The following CFAP299 variants were observed in gnomAD, a reference collection of about 807,000 sequenced individuals.
CFAP299 encodes the protein cilia and flagella associated protein 299.
Under a neutral mutation model 27.0 loss-of-function variants are expected in CFAP299, and 21 were observed. The observed-to-expected ratio is 0.78, with a 90% CI of 0.55 to 1.12. The LOEUF (loss-of-function observed/expected upper bound fraction) is 1.12. Ranked by LOEUF, CFAP299 falls within the 50% of genes most tolerant of loss-of-function variation. The pLI is 0.00. For synonymous variants in CFAP299, 104 were observed against 98.1 expected (o/e 1.06, Z -0.36); for missense variants, 310 against 276.6 (o/e 1.12, Z -0.86).
intron 3 of CFAP299, among the ~76,000 whole-genome samples, chr4:80,846,448 G>A (rs1731188318): frequency 6.6e-6 from 1 of 152,070 alleles, no homozygotes; most frequent in African/African-American, 2.4e-5. Context: ...AGGTATCCTT[G>A]AATGAGTCCC....
At chr4:80,861,053 G>C (rs1436526438) in intron 3 of CFAP299, among the ~76,000 whole-genome samples, 1 of 152,214 alleles carries the variant, frequency 6.6e-6, no homozygotes, top group East Asian at 1.9e-4. Flanking sequence ...TTGAGCTGTG[G>C]TGGGCTCCAA....
At chr4:80,630,722 G>A (rs1316342512) in intron 3 of CFAP299, among the ~76,000 whole-genome samples, 3 of 151,842 alleles carry the variant, frequency 2.0e-5, no homozygotes, top group Admixed American at 6.6e-5. Flanking sequence ...ACATATTATC[G>A]AGTAATATAT....
At chr4:80,420,826 C>T (rs1300160913) in intron 2 of CFAP299, among the ~76,000 whole-genome samples, 2 of 152,090 alleles carry the variant, frequency 1.3e-5, no homozygotes, top group Non-Finnish European at 2.9e-5. Flanking sequence ...AGCTCCAACC[C>T]CTTTAATAGG....
chr4:80,343,788 G>A (rs534196880), intron 1 of CFAP299, among the ~76,000 whole-genome samples: 8 of 112,486 alleles, frequency 7.1e-5, no homozygotes, highest in South Asian at 3.3e-4. Context: ...GCGACAGAGC[G>A]AGACTCCGTC....
rs542713785 is a variant in CFAP299, at chr4:80,387,712, A to AT, written c.242+24828_242+24829insT. 1.7e-3 allele frequency: 2,654 copies of AT among 1,581,612 alleles called. 4 individuals carry two copies. Among genetic ancestry groups the AT allele is most frequent in the South Asian group, 1.9e-3 (172 of 90,478 alleles). ...GGCATGGCCACATGCAATGCATTGG[A>AT]AGGGCTTCTCACCTGTGTGGCTTCA... On this transcript the variant is annotated intron_variant, in intron 2 of 5. Coordinates refer to ENST00000358105, the MANE Select transcript of CFAP299 (RefSeq NM_152770.3).
chr4:80,792,719 C>T (rs371964143), intron 3 of CFAP299, among the ~76,000 whole-genome samples: 12 of 152,036 alleles, frequency 7.9e-5, no homozygotes, highest in East Asian at 1.9e-4. Flanking sequence ...AGGTTTTCTG[C>T]GTTTATCCCT....
intron 2 of CFAP299, among the ~76,000 whole-genome samples, chr4:80,401,478 A>AG (rs568173770): frequency 6.6e-6 from 1 of 152,196 alleles, no homozygotes; most frequent in Non-Finnish European, 1.5e-5. Context: ...GTGGCTTCAG[A>AG]GGGGGGAAGC....
At chr4:80,842,162 G>A (rs1322523392) in intron 3 of CFAP299, among the ~76,000 whole-genome samples, 1 of 152,106 alleles carries the variant, frequency 6.6e-6, no homozygotes, top group Non-Finnish European at 1.5e-5. Context: ...ACACAGATGA[G>A]AAGAGGCTAC....
intron 3 of CFAP299, among the ~76,000 whole-genome samples, chr4:80,668,093 G>C (rs1741231229): frequency 6.6e-6 from 1 of 151,492 alleles, no homozygotes; most frequent in South Asian, 2.1e-4. Context: ...CTTTTTATCT[G>C]TTGGCCCTCT....
intron 4 of CFAP299, among the ~76,000 whole-genome samples, chr4:80,917,663 C>A (rs2110208607): frequency 1.3e-5 from 2 of 152,216 alleles, no homozygotes; most frequent in East Asian, 3.9e-4. Flanking sequence ...CATTCATTTC[C>A]TTTCCATGGC....
chr4:80,832,402 A>G (rs1177263269), intron 3 of CFAP299, among the ~76,000 whole-genome samples: 1 of 152,178 alleles, frequency 6.6e-6, no homozygotes, highest in Non-Finnish European at 1.5e-5. Flanking sequence ...AAATTTGACT[A>G]AAATGACCTA....
chr4:80,785,118 T>C (rs1399927239), intron 3 of CFAP299, among the ~76,000 whole-genome samples: 1 of 151,320 alleles, frequency 6.6e-6, no homozygotes, highest in East Asian at 1.9e-4. Context: ...CCAAGGTCAA[T>C]GTCAAGGAGC....
intron 4 of CFAP299, among the ~76,000 whole-genome samples, chr4:80,908,959 T>G (rs2110201807): frequency 6.6e-6 from 1 of 152,220 alleles, no homozygotes; most frequent in South Asian, 2.1e-4. Flanking sequence ...TGTTTTGAAC[T>G]CTCAGATAAT....
chr4:80,579,324 C>T (rs866710439), intron 2 of CFAP299, among the ~76,000 whole-genome samples: 9 of 152,144 alleles, frequency 5.9e-5, no homozygotes, highest in African/African-American at 2.2e-4. Context: ...TCTTAATGTG[C>T]AAAAGTTAGT....
chr4:80,408,266 A>G (rs1726532430), intron 2 of CFAP299, among the ~76,000 whole-genome samples: 1 of 152,214 alleles, frequency 6.6e-6, no homozygotes, highest in South Asian at 2.1e-4. Context: ...TTTTGACTCT[A>G]CATCCTAGTA....
intron 3 of CFAP299, among the ~76,000 whole-genome samples, chr4:80,830,557 G>T (rs190455659): frequency 1.8e-4 from 28 of 152,128 alleles, no homozygotes; most frequent in Admixed American, 9.8e-4. Flanking sequence ...CTAGGCTTCG[G>T]CAGGGACCAA....
intron 4 of CFAP299, among the ~76,000 whole-genome samples, chr4:80,931,856 T>C (rs1736639301): frequency 6.6e-6 from 1 of 152,154 alleles, no homozygotes; most frequent in Non-Finnish European, 1.5e-5. Flanking sequence ...AATCACCCTG[T>C]ACCTTCCCTG....
chr4:80,749,006 A>T (rs538229861), intron 3 of CFAP299, among the ~76,000 whole-genome samples: 1 of 152,314 alleles, frequency 6.6e-6, no homozygotes, highest in African/African-American at 2.4e-5. Flanking sequence ...TTTTCTCTGT[A>T]CAGTGTGATA....
rs1553942320 is a variant in CFAP299, at chr4:80,631,868, C to CG, written c.333+48685_333+48686insG. Among the ~76,000 whole-genome samples, 17 of 107,756 alleles carry CG rather than the reference C, an allele frequency of 1.6e-4. 5 individuals carry two copies. The highest frequency in any genetic ancestry group is 3.4e-4 in the Non-Finnish European group (16 of 47,598). The allele number at this position is 107,756 out of a possible 152,430, so 70.7% of individuals were successfully genotyped here. A position where few individuals can be genotyped will look rare whatever the true frequency, so the allele number is the denominator to read the frequency against. On this transcript the variant is annotated intron_variant, in intron 3 of 5. Coordinates refer to ENST00000358105, the MANE Select transcript of CFAP299 (RefSeq NM_152770.3). ...CAGTCTGAATATTTGTGCCCCACCC[C>CG]CCCCCAACCAAATTCATATGTTAAC...
Sources: gnomAD v4.1 joint callset for allele counts (sites outside exome capture counted in the v4.1 genomes callset) on GRCh38, gnomAD v4.1.1 for gene constraint, MANE v1.5 for transcripts, NCBI Gene and HGNC (gene_info 2026-07-23, HGNC 2026-07-21) for gene names.